ILDR2: variants seen among roughly 807,000 people sequenced by gnomAD.
The protein encoded by ILDR2 is immunoglobulin like domain containing receptor 2.
In ILDR2, 25 loss-of-function variants were observed where a neutral mutation model predicts 66.8. The observed-to-expected ratio is 0.37, with a 90% confidence interval of 0.27 to 0.52. The LOEUF is 0.52. ILDR2 is among the 20% of genes least tolerant of loss of function. ILDR2 has a pLI of 0.88. For missense variants in ILDR2, 827 were observed against 876.8 expected (o/e 0.94, Z 0.72); for synonymous variants, 367 against 357.2 (o/e 1.03, Z -0.31).
At chr1:166,930,524 C>T (rs1017873957) in intron 6 of ILDR2, among the ~76,000 whole-genome samples, 1 of 152,146 alleles carries the variant, frequency 6.6e-6, no homozygotes, top group African/African-American at 2.4e-5. Context: ...AGCTATTGGA[C>T]TTTTTAAAAA....
chr1:166,953,766 A>C (rs552170769), intron 3 of ILDR2, among the ~76,000 whole-genome samples: 1 of 152,330 alleles, frequency 6.6e-6, no homozygotes, highest in South Asian at 2.1e-4. Flanking sequence ...CACATCAATC[A>C]TGTTCATCTA....
At chr1:166,972,986 C>T (rs1458550675) in intron 1 of ILDR2, among the ~76,000 whole-genome samples, 2 of 152,178 alleles carry the variant, frequency 1.3e-5, no homozygotes, top group African/African-American at 4.8e-5. Context: ...CCCTCCCCAG[C>T]CGCCATTGTT....
chr1:166,930,828 C>G (rs1452420702), intron 6 of ILDR2, among the ~76,000 whole-genome samples: 1 of 152,150 alleles, frequency 6.6e-6, no homozygotes, highest in East Asian at 1.9e-4. Flanking sequence ...CTTGATTTGA[C>G]AGCAAATAGC....
chr1:166,924,028 T>G (rs368998828), intron 7 of ILDR2, among the ~76,000 whole-genome samples: 9 of 53,938 alleles, frequency 1.7e-4, no homozygotes, highest in African/African-American at 6.8e-4. Flanking sequence ...CAAGAGTCCT[T>G]GGAGGAACGG....
rs775920005 is a variant in ILDR2, at chr1:166,921,205, C to T, written c.1386G>A (p.Ser462=). The T allele has an allele frequency of 2.5e-6, 4 of 1,585,322 alleles. No homozygotes were observed. The highest frequency in any genetic ancestry group is 3.5e-5 in the Admixed American group (2 of 57,750). Residue 462 remains serine (S), a synonymous_variant, in exon 9 of 10, where the codon TCG becomes TCA. Coordinates refer to ENST00000271417, the MANE Select transcript of ILDR2 (RefSeq NM_199351.3). The surrounding 1 kb of genome is among the most constrained non-coding windows in gnomAD (Gnocchi z 5.3). ...RGGSRFERSE[S]RAHSGFYQDD... is the part of the protein sequence containing the mutation. ...CCTGGTAGAAGCCGCTGTGCGCCCG[C>T]GACTCCGAGCGCTCGAAGCGGCTCC...
chr1:166,954,036 T>A (rs550685533), intron 3 of ILDR2, among the ~76,000 whole-genome samples: 5 of 152,244 alleles, frequency 3.3e-5, no homozygotes, highest in Non-Finnish European at 7.3e-5. Context: ...CTCTCTTCTA[T>A]ATAATTTCAC....
intron 3 of ILDR2, among the ~76,000 whole-genome samples, chr1:166,948,323 G>C (rs549791134): frequency 6.6e-6 from 1 of 152,244 alleles, no homozygotes; most frequent in East Asian, 1.9e-4. Flanking sequence ...ATTATTAAAA[G>C]TCCCCCCTTT....
intron 2 of ILDR2, among the ~76,000 whole-genome samples, chr1:166,898,160 G>C (rs1283096827): frequency 6.6e-6 from 1 of 152,136 alleles, no homozygotes; most frequent in African/African-American, 2.4e-5. Context: ...GCACGAATTT[G>C]GTATCATGCC....
chr1:166,963,134 C>T (rs911550412), intron 1 of ILDR2, among the ~76,000 whole-genome samples: 1 of 152,046 alleles, frequency 6.6e-6, no homozygotes, highest in Non-Finnish European at 1.5e-5. Flanking sequence ...TGATAATTTC[C>T]TCTCTGTCCC....
At chr1:166,948,813 A>G (rs1661795826) in intron 3 of ILDR2, among the ~76,000 whole-genome samples, 1 of 152,238 alleles carries the variant, frequency 6.6e-6, no homozygotes, top group African/African-American at 2.4e-5. Context: ...CCCTCAGATT[A>G]GAGATGAAAC....
chr1:166,928,021 C>T (rs992658844), intron 6 of ILDR2, among the ~76,000 whole-genome samples: 5 of 152,142 alleles, frequency 3.3e-5, no homozygotes, highest in Non-Finnish European at 7.4e-5. Flanking sequence ...AGCCCAATAC[C>T]AGCCCCAAGA....
chr1:166,939,384 T>A (rs1661177526), intron 4 of ILDR2, 130 bp downstream of exon 4: 4 of 741,840 alleles, frequency 5.4e-6, no homozygotes, highest in Non-Finnish European at 9.5e-6. Flanking sequence ...GTTTAGTTAA[T>A]CCTGGAAAAG....
At chr1:166,920,612 G>C (rs1165855431) in intron 9 of ILDR2, 95 bp downstream of exon 9, 1 of 1,284,008 alleles carries the variant, frequency 7.8e-7, no homozygotes, top group African/African-American at 1.6e-5. Context: ...CTCCCGCCTC[G>C]CCACCTCCCC....
At chr1:166,919,523 T>A in intron 9 of ILDR2, 133 bp from the exon 10 acceptor site, 1 of 712,502 alleles carries the variant, frequency 1.4e-6, no homozygotes, top group Non-Finnish European at 2.3e-6. Flanking sequence ...GAACCTTTCA[T>A]TAGACCTGTG....
chr1:166,928,597 T>G (rs1242167782), intron 6 of ILDR2, among the ~76,000 whole-genome samples: 1 of 152,174 alleles, frequency 6.6e-6, no homozygotes, highest in Non-Finnish European at 1.5e-5. Flanking sequence ...TGCATGTAAA[T>G]TCAGAGAAAA....
intron 9 of ILDR2, among the ~76,000 whole-genome samples, chr1:166,920,175 C>T (rs1659821929): frequency 1.3e-5 from 2 of 152,204 alleles, no homozygotes; most frequent in Admixed American, 1.3e-4. Context: ...CTCAATAAAA[C>T]ATCAAAAGAG....
intron 1 of ILDR2, among the ~76,000 whole-genome samples, chr1:166,971,086 C>A (rs1358708464): frequency 6.6e-6 from 1 of 152,192 alleles, no homozygotes; most frequent in African/African-American, 2.4e-5. Context: ...ATTCCCTATA[C>A]CTCCCTTCCC....
In ILDR2 at chr1:166,936,582, T is replaced by C. The variant is rs768840490; in HGVS notation, c.703+9A>G. 1.4e-5 allele frequency: 22 copies of C among 1,613,932 alleles called. No individual in the cohort carries two copies. The South Asian group carries it at 2.2e-4, about 16-fold the overall frequency. ...ATCGCTCTGTCTCCCCAGCGGTCACTGTACTCACAGGCTTGAGGGCAGCAG... is the reference window on the plus strand; with the variant it reads ...ATCGCTCTGTCTCCCCAGCGGTCACCGTACTCACAGGCTTGAGGGCAGCAG... On this transcript the variant is annotated intron_variant, in intron 5 of 9. Transcript: ENST00000271417. The surrounding 1 kb of genome is among the most constrained non-coding windows in gnomAD (Gnocchi z 5.0).
chr1:166,943,788 G>T (rs1159043044), intron 3 of ILDR2: 4 of 978,782 alleles, frequency 4.1e-6, no homozygotes, highest in African/African-American at 1.8e-5. Context: ...CTTGTGAATC[G>T]CTGTCATTCT....
Sources: allele counts gnomAD v4.1 joint callset (sites outside exome capture counted in the v4.1 genomes callset), GRCh38; gene constraint gnomAD v4.1.1; non-coding constraint Gnocchi (gnomAD v3.1); transcripts MANE v1.5; gene names NCBI Gene and HGNC (gene_info 2026-07-23, HGNC 2026-07-21).